Variants in TMEM245 observed in about 807,000 individuals in gnomAD.
The protein encoded by TMEM245 is protein CG-2.
In TMEM245, 69 loss-of-function variants were observed where a neutral mutation model predicts 101.2. The observed-to-expected ratio is 0.68, with a 90% CI of 0.56 to 0.83. The LOEUF is 0.83. Ranked by LOEUF, TMEM245 falls within the 40% of genes least tolerant of loss-of-function variation. TMEM245 has a pLI of 0.00. For synonymous variants in TMEM245, 537 were observed against 449.8 expected (o/e 1.19, Z -2.45); for missense variants, 1,075 against 1,092.8 (o/e 0.98, Z 0.23).
chr9:109,098,307 T>A (rs1588073310), intron 3 of TMEM245, among the ~76,000 whole-genome samples: 1 of 152,302 alleles, frequency 6.6e-6, no homozygotes, highest in East Asian at 1.9e-4. Context: ...CTTAGCTACA[T>A]CAATGGAAAC....
chr9:109,112,662 TAAAAAAC>T (rs960243634), intron 1 of TMEM245, among the ~76,000 whole-genome samples: 5 of 152,198 alleles, frequency 3.3e-5, no homozygotes, highest in Admixed American at 6.5e-5. Flanking sequence ...ATCTTTGTTT[TAAAAAAC>T]AAAAAACAAA....
At chr9:109,033,267 A>G (rs532231723) in intron 17 of TMEM245, 40 bp downstream of exon 17, 13 of 1,533,684 alleles carry the variant, frequency 8.5e-6, no homozygotes, top group African/African-American at 1.4e-5. Flanking sequence ...GGACAGTTCA[A>G]TGTATAAATA....
In TMEM245 at chr9:109,116,244, T is replaced by C. The variant is rs75061608; in HGVS notation, c.579+3091A>G. Among the ~76,000 whole-genome samples the C allele has an allele frequency of 1.4e-4, 21 of 152,348 alleles. No individual in the cohort carries two copies. The East Asian group carries it at 4.1e-3, about 29-fold the overall frequency. On this transcript the variant is annotated intron_variant, in intron 1 of 17. Transcript: ENST00000374586. The stretch of plus-strand genomic sequence containing the variant: ...AGCCTAGAAAGCATAAAGACCATGT[T>C]CTATAACCAGACAGCCCTGCTTGGG...
intron 4 of TMEM245, among the ~76,000 whole-genome samples, chr9:109,091,824 G>A (rs1830014733): frequency 6.6e-6 from 1 of 151,972 alleles, no homozygotes; most frequent in Admixed American, 6.6e-5. Flanking sequence ...GTTTTAATAA[G>A]ATATACCATA....
intron 14 of TMEM245, among the ~76,000 whole-genome samples, chr9:109,048,832 T>C (rs1167826341): frequency 1.3e-5 from 2 of 152,206 alleles, no homozygotes; most frequent in Admixed American, 1.3e-4. Flanking sequence ...TGTAAATACA[T>C]GGATGCCAGA....
chr9:109,111,418 G>A (rs369343378), intron 1 of TMEM245, among the ~76,000 whole-genome samples: 3 of 152,204 alleles, frequency 2.0e-5, no homozygotes, highest in Admixed American at 6.5e-5. Flanking sequence ...GTATGCATAA[G>A]GAATTAGTAT....
chr9:109,102,719 T>C (rs1830310195), intron 3 of TMEM245, among the ~76,000 whole-genome samples: 1 of 152,272 alleles, frequency 6.6e-6, no homozygotes, highest in Non-Finnish European at 1.5e-5. Flanking sequence ...CTTCCTTTTG[T>C]TTCTCTGTAT....
rs142208740 is a variant in TMEM245, at chr9:109,041,164, G to A, written c.2124-3047C>T. Among the ~76,000 whole-genome samples, 518 of 152,270 alleles carry A rather than the reference G, an allele frequency of 3.4e-3. 1 individual carries two copies. Among genetic ancestry groups the A allele is most frequent in the South Asian group, 0.013 (61 of 4,822 alleles). The stretch of plus-strand genomic sequence containing the variant: ...TGGCAGGAAGAACAATTCAACCCAT[G>A]AAAAGCTAAATGACAATGCATCTGA... On this transcript the variant is annotated intron_variant, in intron 14 of 17. Coordinates refer to ENST00000374586, the MANE Select transcript of TMEM245 (RefSeq NM_032012.4).
chr9:109,053,871 G>C (rs1458600757), intron 12 of TMEM245, among the ~76,000 whole-genome samples: 1 of 152,216 alleles, frequency 6.6e-6, no homozygotes, highest in Admixed American at 6.5e-5. Context: ...GCAGAACTGA[G>C]CCACCTCTGT....
intron 12 of TMEM245, among the ~76,000 whole-genome samples, chr9:109,055,581 T>G (rs1828806168): frequency 6.6e-6 from 1 of 152,064 alleles, no homozygotes; most frequent in East Asian, 1.9e-4. Context: ...AAAGAGCTAT[T>G]GGATATTGCA....
intron 10 of TMEM245, among the ~76,000 whole-genome samples, chr9:109,063,254 G>A (rs997136055): frequency 5.3e-5 from 8 of 152,052 alleles, no homozygotes; most frequent in Middle Eastern, 3.4e-3. Context: ...TGAGTAGCTC[G>A]GATTACAGGC....
At chr9:109,102,884 T>A (rs918962600) in intron 3 of TMEM245, among the ~76,000 whole-genome samples, 4 of 152,250 alleles carry the variant, frequency 2.6e-5, no homozygotes, top group African/African-American at 9.6e-5. Flanking sequence ...TGTTCAGATT[T>A]ACCTCTCCAG....
Position 109,119,706 on chromosome 9 carries a change from C to A in TMEM245, c.208G>T (p.Ala70Ser). 1 of 1,549,426 alleles carries A rather than the reference C, an allele frequency of 6.5e-7. No individual in the cohort carries two copies. Among genetic ancestry groups the A allele is most frequent in the African/African-American group, 1.4e-5 (1 of 71,696 alleles). Reference sequence around the variant, plus strand: ...TCCAGGATGAAGTAGACCAGCACCGCGGCGCCGCAGCACAGGCACACGAAC... The same window carrying A: ...TCCAGGATGAAGTAGACCAGCACCGAGGCGCCGCAGCACAGGCACACGAAC... The part of the protein sequence containing the change: ...VLFVCLCCGA[A>S]VLVYFILEAF... The change falls in exon 1 of 18, where the codon GCG becomes TCG. Residue 70 changes from alanine (A) to serine (S), a missense_variant. Coordinates refer to ENST00000374586, the MANE Select transcript of TMEM245 (RefSeq NM_032012.4).
At chr9:109,101,423 T>C (rs538007976) in intron 3 of TMEM245, among the ~76,000 whole-genome samples, 2 of 152,302 alleles carry the variant, frequency 1.3e-5, no homozygotes, top group African/African-American at 4.8e-5. Flanking sequence ...AGCAGGAAAC[T>C]GACTGTAAGT....
At chr9:109,060,919 G>C (rs1828992463) in intron 10 of TMEM245, among the ~76,000 whole-genome samples, 1 of 152,032 alleles carries the variant, frequency 6.6e-6, no homozygotes, top group Admixed American at 6.6e-5. Context: ...AGAGATGTCC[G>C]GTCTCATTTA....
At chr9:109,088,246 A>G (rs1256540880) in intron 5 of TMEM245, among the ~76,000 whole-genome samples, 1 of 152,218 alleles carries the variant, frequency 6.6e-6, no homozygotes, top group African/African-American at 2.4e-5. Context: ...AGTGTTACAC[A>G]CAAGTTCAAC....
intron 3 of TMEM245, among the ~76,000 whole-genome samples, chr9:109,101,226 G>C (rs1373676366): frequency 6.6e-6 from 1 of 152,196 alleles, no homozygotes; most frequent in Non-Finnish European, 1.5e-5. Flanking sequence ...TGTGAGTCTA[G>C]TGAACCACAG....
Position 109,050,443 on chromosome 9 carries a change from A to G in TMEM245, c.1978-15T>C. ...AGGAAAATTATCTGCAAAACAAAGG[A>G]CAACATCTCCTAAAAAAATCGTATT... On this transcript the variant is annotated splice_polypyrimidine_tract_variant and intron_variant, in intron 13 of 17. Coordinates refer to ENST00000374586, the MANE Select transcript of TMEM245 (RefSeq NM_032012.4). 1.9e-6 allele frequency: 3 copies of G among 1,613,098 alleles called. No individual in the cohort carries two copies. Among genetic ancestry groups the G allele is most frequent in the Non-Finnish European group, 2.5e-6 (3 of 1,179,298 alleles).
At chr9:109,099,464 C>A (rs1830227000) in intron 3 of TMEM245, among the ~76,000 whole-genome samples, 1 of 152,212 alleles carries the variant, frequency 6.6e-6, no homozygotes, top group African/African-American at 2.4e-5. Flanking sequence ...GAACAGCACT[C>A]AGCTGTACTT....
Sources: allele counts gnomAD v4.1 joint callset (sites outside exome capture counted in the v4.1 genomes callset), GRCh38; gene constraint gnomAD v4.1.1; transcripts MANE v1.5; gene names NCBI Gene and HGNC (gene_info 2026-07-23, HGNC 2026-07-21).